The following CD247 variants were observed in gnomAD, a reference collection of about 807,000 sequenced individuals.
CD247 encodes CD247 molecule.
In CD247, 13 loss-of-function variants were observed where a neutral mutation model predicts 30.0. That is an observed-to-expected ratio of 0.43 (90% CI 0.28 to 0.69). The LOEUF is 0.69. Among genes scored for constraint, CD247 ranks in the 30% least tolerant of loss-of-function variants. The pLI is 0.16. For synonymous variants in CD247, 72 were observed against 80.0 expected (o/e 0.90, Z 0.53); for missense variants, 193 against 212.6 (o/e 0.91, Z 0.57).
intron 1 of CD247, among the ~76,000 whole-genome samples, chr1:167,485,627 G>A (rs554274617): frequency 7.2e-5 from 11 of 152,204 alleles, no homozygotes; most frequent in Middle Eastern, 3.4e-3. Flanking sequence ...GCTGGCTGGC[G>A]TGCTAGGCTC....
chr1:167,497,347 G>A (rs888187684), intron 1 of CD247, among the ~76,000 whole-genome samples: 4 of 152,072 alleles, frequency 2.6e-5, no homozygotes, highest in Non-Finnish European at 5.9e-5. Flanking sequence ...CAATAAGTAT[G>A]CTTTGACCTT....
At chr1:167,438,449 T>G (rs2462553) in intron 4 of CD247, 121 bp downstream of exon 4, 6 of 816,720 alleles carry the variant, frequency 7.3e-6, no homozygotes, top group South Asian at 2.7e-5. Context: ...TCTCTTGTCC[T>G]GGGCCCACAC....
intron 1 of CD247, among the ~76,000 whole-genome samples, chr1:167,479,101 C>G (rs1278422132): frequency 6.6e-6 from 1 of 152,142 alleles, no homozygotes; most frequent in Non-Finnish European, 1.5e-5. Context: ...ATAAACCATC[C>G]TGTTACTAAA....
rs1326938746 is a variant in CD247 at position 167,494,636 on chromosome 1, C to T, written c.58+23772G>A. ...GCTGTGTTTTCCTAATTGTATTTTG[C>T]ACTGTGGCTTTACACAGCCCATGTC... On this transcript the variant is annotated intron_variant, in intron 1 of 7. Coordinates refer to ENST00000362089, the MANE Select transcript of CD247 (RefSeq NM_198053.3). The surrounding 1 kb of genome is among the most constrained non-coding windows in gnomAD (Gnocchi z 7.3). Among the ~76,000 whole-genome samples the T allele has an allele frequency of 6.6e-6, 1 of 152,160 alleles. No individual in the cohort carries two copies. The highest frequency in any genetic ancestry group is 1.5e-5 in the Non-Finnish European group (1 of 68,030).
chr1:167,482,986 A>G (rs1036298050), intron 1 of CD247, among the ~76,000 whole-genome samples: 5 of 123,380 alleles, frequency 4.1e-5, no homozygotes, highest in African/African-American at 1.2e-4. Flanking sequence ...CAAAGGAACT[A>G]ACCAATATTC....
At chr1:167,495,455 T>C (rs1274479000) in intron 1 of CD247, among the ~76,000 whole-genome samples, 1 of 152,186 alleles carries the variant, frequency 6.6e-6, no homozygotes, top group African/African-American at 2.4e-5. Context: ...TACGCAGTGC[T>C]TGGCATATAG....
intron 3 of CD247, 29 bp downstream of exon 3, chr1:167,439,315 C>A (rs1424661663): frequency 1.2e-6 from 2 of 1,609,646 alleles, no homozygotes; most frequent in African/African-American, 2.7e-5. Context: ...CCCTTCCTTT[C>A]CGGAGGGTCT....
Position 167,430,878 on chromosome 1 carries a change from G to C in CD247, c.*803C>G. The C allele has an allele frequency of 2.5e-6, 1 of 398,788 alleles. No individual in the cohort carries two copies. The highest frequency in any genetic ancestry group is 4.4e-6 in the Non-Finnish European group (1 of 226,176). The allele number at this position is 398,788 out of a possible 1,614,324, so 24.7% of individuals were successfully genotyped here. A position where few individuals can be genotyped will look rare whatever the true frequency, so the allele number is the denominator to read the frequency against. On this transcript the variant is annotated 3_prime_UTR_variant, in exon 8 of 8. Transcript: ENST00000362089. Reference sequence around the variant, plus strand: ...GCGAGGCCTTCACAAAGATGATTTTGTCATTCGCTGAAAGCGTGAAGTGAA... The same window carrying C: ...GCGAGGCCTTCACAAAGATGATTTTCTCATTCGCTGAAAGCGTGAAGTGAA...
In CD247 at chr1:167,444,857, G is replaced by A. The variant is rs552582288; in HGVS notation, c.59-4090C>T. On this transcript the variant is annotated intron_variant, in intron 1 of 7. Transcript: ENST00000362089. ...TATTATGGAACTTCTCTAAGCCTTC[G>A]TTTTCTCATCTGTAAAATGGGGATA... Among the ~76,000 whole-genome samples, 4 of 151,960 alleles carry A rather than the reference G, an allele frequency of 2.6e-5. No individual in the cohort carries two copies. In the East Asian group the frequency reaches 5.8e-4, roughly 22 times the overall value.
intron 1 of CD247, among the ~76,000 whole-genome samples, chr1:167,491,925 C>A (rs536714343): frequency 2.4e-4 from 36 of 152,192 alleles, no homozygotes; most frequent in African/African-American, 8.4e-4. Context: ...TAGTTAAAAT[C>A]ATAGAGACAA....
At chr1:167,458,670 T>TTTCTTTCC (rs1258149842) in intron 1 of CD247, 5 of 91,086 alleles carry the variant, frequency 5.5e-5, no homozygotes, top group African/African-American at 2.2e-4. Flanking sequence ...CATCTGTTTT[T>TTTCTTTCC]TTCTTTCTTT....
Position 167,514,322 on chromosome 1 carries a change from G to A in CD247, c.58+4086C>T, listed in dbSNP as rs574426209. Among the ~76,000 whole-genome samples, 9 of 152,026 alleles carry A rather than the reference G, an allele frequency of 5.9e-5. No individual in the cohort carries two copies. In the East Asian group the frequency reaches 1.7e-3, roughly 29 times the overall value. On this transcript the variant is annotated intron_variant, in intron 1 of 7. Transcript: ENST00000362089. ...CAGTTAATTTTTTGCATTTTTTAGT[G>A]GAGATGGGGTTTCACCACATTGGCC...
intron 1 of CD247, among the ~76,000 whole-genome samples, chr1:167,462,628 G>C (rs1039783289): frequency 1.3e-5 from 2 of 152,224 alleles, no homozygotes; most frequent in African/African-American, 4.8e-5. Context: ...GCCGATCCCT[G>C]CTGGGAGAGG....
chr1:167,482,611 G>T (rs1203706943), intron 1 of CD247, among the ~76,000 whole-genome samples: 1 of 152,216 alleles, frequency 6.6e-6, no homozygotes, highest in Admixed American at 6.5e-5. Context: ...CACAGCAGGG[G>T]AGACCTAGCT....
intron 1 of CD247, among the ~76,000 whole-genome samples, chr1:167,489,913 ACCTGTG>A: frequency 6.6e-6 from 1 of 152,260 alleles, no homozygotes; most frequent in African/African-American, 2.4e-5. Flanking sequence ...TCGGCCTCTG[ACCTGTG>A]CCCGCGCCGA....
chr1:167,464,653 A>G (rs540853844), intron 1 of CD247, among the ~76,000 whole-genome samples: 1 of 152,348 alleles, frequency 6.6e-6, no homozygotes, highest in South Asian at 2.1e-4. Context: ...TAAAAGTAGA[A>G]AGCTGGGGAA....
At chr1:167,474,776 C>T (rs554480605) in intron 1 of CD247, among the ~76,000 whole-genome samples, 3 of 124,970 alleles carry the variant, frequency 2.4e-5, no homozygotes, top group African/African-American at 3.1e-5. Flanking sequence ...TTTTTTTTGA[C>T]GGAGTCTTGC....
chr1:167,461,259 G>T (rs1652995132), intron 1 of CD247, among the ~76,000 whole-genome samples: 1 of 152,164 alleles, frequency 6.6e-6, no homozygotes, highest in Non-Finnish European at 1.5e-5. Context: ...CCATGATTTG[G>T]GTCCTCAGGA....
At chr1:167,433,585 T>G (rs1651383582) in intron 6 of CD247, among the ~76,000 whole-genome samples, 1 of 152,206 alleles carries the variant, frequency 6.6e-6, no homozygotes, top group African/African-American at 2.4e-5. Context: ...AACCCCTGCT[T>G]GGAAGGGGTC....
Sources: gnomAD v4.1 joint callset for allele counts (sites outside exome capture counted in the v4.1 genomes callset) on GRCh38, gnomAD v4.1.1 for gene constraint, Gnocchi (gnomAD v3.1) non-coding constraint, MANE v1.5 for transcripts, NCBI Gene and HGNC (gene_info 2026-07-23, HGNC 2026-07-21) for gene names.